MUS81: variants seen among roughly 807,000 people sequenced by gnomAD.
MUS81 encodes the protein structure-specific endonuclease subunit MUS81.
In MUS81, 69 loss-of-function variants were observed where a neutral mutation model predicts 74.2. The ratio of observed to expected loss-of-function variants is 0.93; its 90% CI spans 0.77 to 1.14. MUS81 has a LOEUF of 1.14. Among genes scored for constraint, MUS81 ranks in the 50% most tolerant of loss-of-function variants. The pLI is 0.00. For synonymous variants in MUS81, 303 were observed against 300.6 expected (o/e 1.01, Z -0.08); for missense variants, 711 against 726.5 (o/e 0.98, Z 0.25).
chr11:65,862,798 A>G (rs528966031), intron 6 of MUS81, among the ~76,000 whole-genome samples: 57 of 152,248 alleles, frequency 3.7e-4, no homozygotes, highest in Admixed American at 2.2e-3. Context: ...ATGCAGGATA[A>G]GTATTCCGAG....
At chr11:65,864,105 G>A (rs779445463) in intron 10 of MUS81, 2 of 616,052 alleles carry the variant, frequency 3.2e-6, no homozygotes, top group South Asian at 3.9e-5. Flanking sequence ...GCATTCTTGG[G>A]CTGAGGTCAG....
downstream of MUS81, chr11:65,866,751 T>C (rs1859851939): frequency 1.1e-6 from 1 of 885,360 alleles, no homozygotes; most frequent in African/African-American, 1.7e-5. Flanking sequence ...GAACTTGGCC[T>C]GCCCCCCCAA....
At chr11:65,862,167 G>C in intron 4 of MUS81, 44 bp from the exon 5 acceptor site, 1 of 1,602,606 alleles carries the variant, frequency 6.2e-7, no homozygotes, top group South Asian at 1.1e-5. Flanking sequence ...ATGAGGAGGG[G>C]CCCTGGCACT....
Position 65,863,051 on chromosome 11 carries a change from C to T in MUS81, c.606-14C>T. 6.2e-7 allele frequency: 1 copy of T among 1,613,910 alleles called. No individual in the cohort carries two copies. The highest frequency in any genetic ancestry group is 1.1e-5 in the South Asian group (1 of 91,080). On this transcript the variant is annotated splice_polypyrimidine_tract_variant and intron_variant, in intron 6 of 15. Coordinates refer to ENST00000308110, the MANE Select transcript of MUS81 (RefSeq NM_025128.5). ...TGAAGAAGGTAGAGCTGTGTTGTCC[C>T]CTCTGCCTCCCAGGTACTCATTGAC...
intron 4 of MUS81, 77 bp downstream of exon 4, chr11:65,862,122 G>C: frequency 6.3e-7 from 1 of 1,591,526 alleles, no homozygotes; most frequent in Non-Finnish European, 8.6e-7. Flanking sequence ...GGCCCAGGCA[G>C]GGCAGGCAAA....
In MUS81 at chr11:65,862,003, A is replaced by G; in HGVS notation, c.408A>G (p.Ser136=). The G allele has an allele frequency of 6.2e-7, 1 of 1,610,984 alleles. No homozygotes were observed. The highest frequency in any genetic ancestry group is 2.2e-5 in the East Asian group (1 of 44,790). ...GSGSYWPARH[S]GARVILLVLY... ...GCAGCTACTGGCCAGCTCGGCACTC[A>G]GGAGCCCGAGTGATACTGCTGGTGC... Residue 136 remains serine, a synonymous_variant, in exon 4 of 16, where the codon TCA becomes TCG. Coordinates refer to ENST00000308110, the MANE Select transcript of MUS81 (RefSeq NM_025128.5).
rs1565266960 is a variant in MUS81, at chr11:65,863,189, G to GCTTCA, written c.731_732insTTCAC (p.Ala245SerfsTer20). On this transcript the variant is annotated frameshift_variant, in exon 7 of 16. Transcript: ENST00000308110. LOFTEE classifies it high-confidence loss of function. The stretch of plus-strand genomic sequence containing the variant: ...TGGGGAGGAGACAGCAGTGCCAGGA[G>GCTTCA]CAGCTTCAGCAGAGCTGTGAGGAGG... The GCTTCA allele has an allele frequency of 6.2e-7, 1 of 1,613,302 alleles. No homozygotes were observed. The highest frequency in any genetic ancestry group is 2.2e-5 in the East Asian group (1 of 44,892).
rs756265627 is a variant in MUS81 at position 65,863,415 on chromosome 11, G to T, written c.752G>T (p.Ser251Ile). ...VPGAASAELA[S>I]EAGVQQQPLE... is the part of the protein sequence containing the mutation. ...TACCAACACCCCCCACTTAGTGCCAGTGAAGCAGGGGTCCAGCAGCAGCCA... is the reference window on the plus strand; with the variant it reads ...TACCAACACCCCCCACTTAGTGCCATTGAAGCAGGGGTCCAGCAGCAGCCA... The change falls in exon 8 of 16, where the codon AGT (serine) becomes ATT (isoleucine). Residue 251 changes from serine (S) to isoleucine (I), a missense_variant. By Grantham distance (142) the Ser-to-Ile change is moderately radical. Transcript: ENST00000308110. The T allele has an allele frequency of 1.9e-6, 3 of 1,614,142 alleles. No homozygotes were observed. The highest frequency in any genetic ancestry group is 2.5e-6 in the Non-Finnish European group (3 of 1,180,012).
At position 65,865,300 on chromosome 11, in the gene MUS81, G is replaced by A; in HGVS notation, c.1482G>A (p.Val494=). The change falls in exon 14 of 16, where the codon GTG becomes GTA. Residue 494 remains valine, a synonymous_variant. Transcript: ENST00000308110. ...GTGGGGAGAAGGCAGCAGCCCTGGT[G>A]GATCGATACAGCACCCCTGCCAGGT... ...GVSGEKAAAL[V]DRYSTPASLL... is the part of the protein sequence containing the mutation. 6.2e-7 allele frequency: 1 copy of A among 1,614,040 alleles called. No homozygotes were observed. The highest frequency in any genetic ancestry group is 8.5e-7 in the Non-Finnish European group (1 of 1,179,990).
At chr11:65,866,632 C>G, downstream of MUS81, 14 of 703,300 alleles carry the variant, frequency 2.0e-5, no homozygotes, top group Middle Eastern at 2.3e-4. Context: ...AGTCCGCCCT[C>G]CTCGTTACCT....
upstream of MUS81, among the ~76,000 whole-genome samples, chr11:65,859,884 T>G (rs1591051081): frequency 6.6e-6 from 1 of 152,220 alleles, no homozygotes; most frequent in Admixed American, 6.5e-5. Flanking sequence ...TCTACCTGTG[T>G]CTGGGCTTCT....
Position 65,861,044 on chromosome 11 carries a change from C to T in MUS81, c.207C>T (p.Phe69=). The T allele has an allele frequency of 1.2e-6, 2 of 1,612,730 alleles. No individual in the cohort carries two copies. Among genetic ancestry groups the T allele is most frequent in the Non-Finnish European group, 8.5e-7 (1 of 1,179,996 alleles). ...SGKEAKILQH[F]GDGLCRMLDE... ...AGGAAGCTAAGATCCTACAGCACTTCGGAGACGGGCTCTGCCGGATGCTGG... is the reference window on the plus strand; with the variant it reads ...AGGAAGCTAAGATCCTACAGCACTTTGGAGACGGGCTCTGCCGGATGCTGG... The change falls in exon 2 of 16, where the codon TTC becomes TTT. Residue 69 remains phenylalanine (F), a synonymous_variant. Coordinates refer to ENST00000308110, the MANE Select transcript of MUS81 (RefSeq NM_025128.5).
At chr11:65,864,388 T>C (rs918770609) in intron 10 of MUS81, 109 bp from the exon 11 acceptor site, 1 of 974,996 alleles carries the variant, frequency 1.0e-6, no homozygotes, top group Admixed American at 1.8e-5. Flanking sequence ...ATGCAGAGGC[T>C]AACTGGTGGG....
chr11:65,861,970 A>G lies in MUS81; in HGVS notation c.375A>G (p.Gly125=). The G allele has an allele frequency of 1.2e-6, 2 of 1,611,298 alleles. No homozygotes were observed. The highest frequency in any genetic ancestry group is 8.5e-7 in the Non-Finnish European group (1 of 1,179,044). Reference sequence around the variant, plus strand: ...AGGTTCCTGCCCAGCCCAAAGCGGGAGGCTCTGGCAGCTACTGGCCAGCTC... The same window carrying G: ...AGGTTCCTGCCCAGCCCAAAGCGGGGGGCTCTGGCAGCTACTGGCCAGCTC... ...SMPVPAQPKA[G]GSGSYWPARH... The change falls in exon 4 of 16, where the codon GGA becomes GGG. Residue 125 remains glycine (G), a synonymous_variant. Coordinates refer to ENST00000308110, the MANE Select transcript of MUS81 (RefSeq NM_025128.5).
At chr11:65,867,189 G>A (rs550766297), downstream of MUS81, 6 of 1,385,358 alleles carry the variant, frequency 4.3e-6, no homozygotes, top group East Asian at 1.2e-4. Flanking sequence ...GAACAGCCCT[G>A]GCCAGGCTGC....
Position 65,865,496 on chromosome 11 carries a change from C to A in MUS81, c.1505+173C>A, listed in dbSNP as rs964505212. 1.9e-5 allele frequency: 13 copies of A among 698,046 alleles called. No individual in the cohort carries two copies. In the Admixed American group the frequency reaches 3.2e-4, roughly 17 times the overall value. The allele number at this position is 698,046 out of a possible 1,614,324, so 43.2% of individuals were successfully genotyped here. ...AGTGGGGAGGAAGCCAGCAGGCCCA[C>A]ATAGTGTCCCAGGTAGTGGAGGCCA... is the stretch of plus-strand genomic sequence containing the variant. On this transcript the variant is annotated intron_variant, in intron 14 of 15. Coordinates refer to ENST00000308110, the MANE Select transcript of MUS81 (RefSeq NM_025128.5).
intron 14 of MUS81, 182 bp downstream of exon 14, chr11:65,865,505 C>A: frequency 1.5e-6 from 1 of 681,738 alleles, no homozygotes; most frequent in Non-Finnish European, 2.4e-6. Flanking sequence ...ACATAGTGTC[C>A]CAGGTAGTGG....
In MUS81 at chr11:65,860,466, G is replaced by A; in HGVS notation, c.-288G>A. ...GGAGCCGGTCCAGGCTCCGGGGGCT[G>A]GGAAAGGGCGCGTCTCAAAGGCTGG... On this transcript the variant is annotated 5_prime_UTR_variant, in exon 1 of 16. Transcript: ENST00000308110. 1 of 543,436 alleles carries A rather than the reference G, an allele frequency of 1.8e-6. No individual in the cohort carries two copies. The highest frequency in any genetic ancestry group is 3.4e-6 in the Non-Finnish European group (1 of 298,036). 33.7% of individuals were successfully genotyped at this position (543,436 alleles called of 1,614,324 possible). A position where few individuals can be genotyped will look rare whatever the true frequency, so the allele number is the denominator to read the frequency against.
chr11:65,866,930 G>T, downstream of MUS81: 1 of 1,614,158 alleles, frequency 6.2e-7, no homozygotes, highest in African/African-American at 1.3e-5. Flanking sequence ...AGAAGGTGTA[G>T]GCCCCTACAA....
Sources: allele counts gnomAD v4.1 joint callset (sites outside exome capture counted in the v4.1 genomes callset), GRCh38; gene constraint gnomAD v4.1.1; transcripts MANE v1.5; gene names NCBI Gene and HGNC (gene_info 2026-07-23, HGNC 2026-07-21).